The following TEF variants were observed in gnomAD, a reference collection of about 807,000 sequenced individuals.
TEF encodes thyrotroph embryonic factor.
Under a neutral mutation model 20.8 loss-of-function variants are expected in TEF, and 3 were observed. That is an observed-to-expected ratio of 0.14 (90% CI 0.07 to 0.37). The LOEUF is 0.37. Among genes scored for constraint, TEF ranks in the 10% least tolerant of loss-of-function variants. The probability of loss-of-function intolerance (pLI) is 1.00; values close to 1 mark genes in which losing one functional copy is unlikely to be tolerated. For synonymous variants in TEF, 180 were observed against 171.1 expected (o/e 1.05, Z -0.41); for missense variants, 296 against 397.9 (o/e 0.74, Z 2.18).
At chr22:41,378,652 A>G (rs896954809), upstream of TEF, among the ~76,000 whole-genome samples, 1 of 151,278 alleles carries the variant, frequency 6.6e-6, no homozygotes, top group African/African-American at 2.4e-5. Flanking sequence ...CTATATTCTT[A>G]ATAGAGACAG....
rs2037249188 is a variant in TEF, at chr22:41,397,887, C to A, written c.*1927C>A. The A allele has an allele frequency of 6.6e-6, 1 of 152,190 alleles. No individual in the cohort carries two copies. The highest frequency in any genetic ancestry group is 1.5e-5 in the Non-Finnish European group (1 of 68,026). The allele number at this position is 152,190 out of a possible 1,614,324, so 9.4% of individuals were successfully genotyped here. A position where few individuals can be genotyped will look rare whatever the true frequency, so the allele number is the denominator to read the frequency against. On this transcript the variant is annotated 3_prime_UTR_variant, in exon 4 of 4. Transcript: ENST00000266304. ...GCTTAAAAGCTCTTCATTTTCTTTGCCGGAAAGTATATGGTTTGTGTTTTT... is the reference window on the plus strand; with the variant it reads ...GCTTAAAAGCTCTTCATTTTCTTTGACGGAAAGTATATGGTTTGTGTTTTT...
chr22:41,390,345 C>T (rs1354156464), intron 2 of TEF, among the ~76,000 whole-genome samples: 1 of 152,114 alleles, frequency 6.6e-6, no homozygotes, highest in Non-Finnish European at 1.5e-5. Flanking sequence ...CTCACACCAG[C>T]AGGGCATTGG....
intron 1 of TEF, among the ~76,000 whole-genome samples, chr22:41,384,035 C>T (rs922820627): frequency 1.3e-5 from 2 of 152,204 alleles, no homozygotes; most frequent in African/African-American, 4.8e-5. Flanking sequence ...TATTAGAAAG[C>T]CATGACCAAG....
intron 2 of TEF, among the ~76,000 whole-genome samples, chr22:41,391,127 C>T (rs1481657094): frequency 6.6e-6 from 1 of 152,102 alleles, no homozygotes; most frequent in Non-Finnish European, 1.5e-5. Flanking sequence ...TGTAATTAAC[C>T]CCTGTCTAAT....
chr22:41,369,283 G>A lies in TEF; in HGVS notation c.67+1684G>A, dbSNP rs1433622638. The A allele has an allele frequency of 1.2e-5, 12 of 982,668 alleles. No individual in the cohort carries two copies. In the African/African-American group the frequency reaches 1.9e-4, roughly 16 times the overall value. 60.9% of individuals were successfully genotyped at this position (982,668 alleles called of 1,614,324 possible). A position where few individuals can be genotyped will look rare whatever the true frequency, so the allele number is the denominator to read the frequency against. ...CCCTCCCTCACTGTGGATGAGCAAA[G>A]TCAGGGCCTGGCACATAGGGGACCG... On this transcript the variant is annotated intron_variant, in intron 1 of 3. Coordinates refer to the TEF transcript ENST00000406644.
intron 1 of TEF, among the ~76,000 whole-genome samples, chr22:41,376,433 G>C (rs1485529165): frequency 1.3e-5 from 2 of 152,156 alleles, no homozygotes; most frequent in Non-Finnish European, 2.9e-5. Flanking sequence ...TTGCCATGTT[G>C]GCCAGGCTGG....
chr22:41,382,413 G>A (rs1393087955), intron 1 of TEF, among the ~76,000 whole-genome samples: 3 of 152,006 alleles, frequency 2.0e-5, no homozygotes, highest in East Asian at 3.9e-4. Flanking sequence ...TGGCGGGAGA[G>A]GGTGGGGAGA....
intron 1 of TEF, among the ~76,000 whole-genome samples, chr22:41,382,578 C>T (rs537547632): frequency 6.6e-6 from 1 of 152,206 alleles, no homozygotes; most frequent in African/African-American, 2.4e-5. Flanking sequence ...GGACAGGGGT[C>T]TTGCATTTTA....
chr22:41,386,201 G>T (rs2037095320), intron 1 of TEF, among the ~76,000 whole-genome samples: 2 of 152,330 alleles, frequency 1.3e-5, no homozygotes, highest in East Asian at 3.9e-4. Flanking sequence ...CACTTTGGGA[G>T]GCCAAGGCAG....
Position 41,389,779 on chromosome 22 carries a change from T to C in TEF, c.475+2111T>C, listed in dbSNP as rs186042885. Reference sequence around the variant, plus strand: ...CATGAGCCACTACACCCAGCCGCTTTGTTAAGTTTCATTGCTGAATAGTAG... The same window carrying C: ...CATGAGCCACTACACCCAGCCGCTTCGTTAAGTTTCATTGCTGAATAGTAG... On this transcript the variant is annotated intron_variant, in intron 2 of 3. Transcript: ENST00000266304. Among the ~76,000 whole-genome samples the C allele has an allele frequency of 5.1e-4, 77 of 152,334 alleles. No homozygotes were observed. In the East Asian group the frequency reaches 0.014, roughly 27 times the overall value.
intron 1 of TEF, among the ~76,000 whole-genome samples, 198 bp downstream of exon 1, chr22:41,382,399 G>A (rs1411644148): frequency 6.6e-6 from 1 of 152,040 alleles, no homozygotes; most frequent in Non-Finnish European, 1.5e-5. Flanking sequence ...TGAGACGGTG[G>A]GTCTGGCGGG....
intron 1 of TEF, 36 bp downstream of exon 1, chr22:41,382,237 C>CG: frequency 4.1e-5 from 7 of 171,278 alleles, no homozygotes; most frequent in Non-Finnish European, 5.4e-5. Context: ...GGGCTGGGGG[C>CG]GGGGCTTATA....
intron 2 of TEF, among the ~76,000 whole-genome samples, chr22:41,391,137 T>C (rs1406003604): frequency 2.0e-5 from 3 of 152,128 alleles, no homozygotes; most frequent in Non-Finnish European, 2.9e-5. Flanking sequence ...CCCTGTCTAA[T>C]AGGATACAAT....
intron 2 of TEF, among the ~76,000 whole-genome samples, chr22:41,391,682 G>A (rs995984686): frequency 6.6e-6 from 1 of 151,700 alleles, no homozygotes; most frequent in Non-Finnish European, 1.5e-5. Flanking sequence ...GAGTGCAGTG[G>A]CACCATCTTG....
At chr22:41,375,777 T>C (rs907836551) in intron 1 of TEF, among the ~76,000 whole-genome samples, 1 of 151,806 alleles carries the variant, frequency 6.6e-6, no homozygotes, top group Non-Finnish European at 1.5e-5. Context: ...TCTGAAAGGT[T>C]TGGTTAACTG....
Position 41,395,904 on chromosome 22 carries a change from G to T in TEF, c.856G>T (p.Val286Leu). ...GGAGGTGGCCGAGCTACGCAAGGAG[G>T]TGGGCAAGTGCAAGACCATCGTGTC... The part of the protein sequence containing the change: ...RTEVAELRKE[V>L]GKCKTIVSKY... The change falls in exon 4 of 4, where the codon GTG (valine) becomes TTG (leucine). Residue 286 changes from valine to leucine, a missense_variant. By Grantham distance (32) the Val-to-Leu change is conservative. This residue lies in a region of TEF where 194 missense variants were observed against 317.8 expected (regional missense o/e 0.61). Transcript: ENST00000266304. The T allele has an allele frequency of 6.2e-7, 1 of 1,614,166 alleles. No individual in the cohort carries two copies. The highest frequency in any genetic ancestry group is 8.5e-7 in the Non-Finnish European group (1 of 1,180,012).
chr22:41,389,041 C>A (rs966660520), intron 2 of TEF, among the ~76,000 whole-genome samples: 1 of 151,988 alleles, frequency 6.6e-6, no homozygotes, highest in African/African-American at 2.4e-5. Flanking sequence ...AACGAAAATA[C>A]TAGTTTTACA....
chr22:41,378,123 A>G (rs1412401811), upstream of TEF, among the ~76,000 whole-genome samples: 2 of 150,064 alleles, frequency 1.3e-5, no homozygotes, highest in Non-Finnish European at 3.0e-5. Flanking sequence ...AAGTCTCCTC[A>G]TGGCCAAACT....
chr22:41,381,638 A>T (rs1418764873), upstream of TEF, among the ~76,000 whole-genome samples: 1 of 151,682 alleles, frequency 6.6e-6, no homozygotes, highest in Non-Finnish European at 1.5e-5. Context: ...CACTGGTAGG[A>T]GGGAAGGGAC....
Sources: gnomAD v4.1 joint callset for allele counts (sites outside exome capture counted in the v4.1 genomes callset) on GRCh38, gnomAD v4.1.1 for gene constraint, gnomAD v4.1.1 regional missense constraint, MANE v1.5 for transcripts, NCBI Gene and HGNC (gene_info 2026-07-23, HGNC 2026-07-21) for gene names.